Variants in AXDND1 observed in about 807,000 individuals in gnomAD.
AXDND1 encodes axonemal dynein light chain domain containing 1.
AXDND1 carries 110 observed loss-of-function variants against 137.5 expected under a neutral mutation model. That is an observed-to-expected ratio of 0.80 (90% CI 0.69 to 0.94). AXDND1 has a LOEUF of 0.94. Ranked by LOEUF, AXDND1 falls within the 40% of genes least tolerant of loss-of-function variation. The pLI is 0.00. For missense variants in AXDND1, 1,191 were observed against 1,169.8 expected, an observed-to-expected ratio of 1.02 and a Z score of -0.26; for synonymous variants, 414 against 399.7, an observed-to-expected ratio of 1.04 and a Z score of -0.43.
chr1:179,448,103 C>A, intron 16 of AXDND1: 1 of 885,226 alleles, frequency 1.1e-6, no homozygotes, highest in Non-Finnish European at 1.8e-6. Context: ...TCAAATTCCT[C>A]ATTAATTATT....
intron 4 of AXDND1, among the ~76,000 whole-genome samples, chr1:179,373,328 A>G (rs1054053794): frequency 6.6e-6 from 1 of 152,168 alleles, no homozygotes; most frequent in Non-Finnish European, 1.5e-5. Context: ...AATAAAAGAG[A>G]ACACAAACAA....
At chr1:179,382,316 A>G (rs1648499982) in intron 6 of AXDND1, among the ~76,000 whole-genome samples, 1 of 151,970 alleles carries the variant, frequency 6.6e-6, no homozygotes, top group Non-Finnish European at 1.5e-5. Context: ...CCTGACCTCA[A>G]GTGATCTGCC....
chr1:179,454,554 T>G (rs1661017183), intron 16 of AXDND1: 1 of 152,164 alleles, frequency 6.6e-6, no homozygotes, highest in South Asian at 2.1e-4. Flanking sequence ...AAATAAGAGA[T>G]TTAAAAAATG....
At chr1:179,552,803 A>G (rs997778975) in intron 25 of AXDND1, 14 of 751,386 alleles carry the variant, frequency 1.9e-5, no homozygotes, top group Non-Finnish European at 3.3e-5. Context: ...TGGAGTGACC[A>G]GAGTGTGCCA....
intron 15 of AXDND1, among the ~76,000 whole-genome samples, chr1:179,440,257 C>T (rs1296198233): frequency 6.6e-6 from 1 of 152,166 alleles, no homozygotes; most frequent in Non-Finnish European, 1.5e-5. Context: ...GAAAAGCATA[C>T]TAGTATAAGC....
chr1:179,519,570 C>A (rs934385127), intron 21 of AXDND1, among the ~76,000 whole-genome samples: 1 of 152,072 alleles, frequency 6.6e-6, no homozygotes, highest in African/African-American at 2.4e-5. Context: ...TTGTATATGG[C>A]ATAAGGAAGG....
At chr1:179,483,079 AT>A (rs771198453) in intron 17 of AXDND1, 48 bp from the exon 18 acceptor site, 67 of 1,269,338 alleles carry the variant, frequency 5.3e-5, no homozygotes, top group Middle Eastern at 4.0e-4. Context: ...AGTTACATTT[AT>A]CCTTTAAATC....
intron 11 of AXDND1, among the ~76,000 whole-genome samples, chr1:179,400,160 G>A (rs544045719): frequency 1.1e-4 from 16 of 152,180 alleles, no homozygotes; most frequent in African/African-American, 3.4e-4. Context: ...TTGCAAAATC[G>A]TAGAACCAAC....
chr1:179,399,668 A>G (rs1651639399), intron 11 of AXDND1, among the ~76,000 whole-genome samples: 1 of 152,258 alleles, frequency 6.6e-6, no homozygotes. Flanking sequence ...AATCTTCACA[A>G]TCTATACATC....
intron 4 of AXDND1, among the ~76,000 whole-genome samples, chr1:179,373,916 G>A (rs1028142013): frequency 1.3e-5 from 2 of 152,056 alleles, no homozygotes; most frequent in African/African-American, 4.8e-5. Flanking sequence ...CATAGGCATG[G>A]GCAAGGACTT....
intron 16 of AXDND1, chr1:179,449,076 G>A (rs749498466): frequency 6.8e-6 from 3 of 441,480 alleles, no homozygotes; most frequent in South Asian, 3.2e-5. Flanking sequence ...TGTAGAGACA[G>A]GATCTCACCG....
chr1:179,554,085 G>A (rs1292887201), intron 25 of AXDND1, among the ~76,000 whole-genome samples: 2 of 152,012 alleles, frequency 1.3e-5, no homozygotes, highest in African/African-American at 2.4e-5. Context: ...GCTAATTTTT[G>A]CATTTTTAGT....
At chr1:179,535,046 A>G (rs778495736) in intron 25 of AXDND1, 84 bp downstream of exon 25, 1 of 1,577,002 alleles carries the variant, frequency 6.3e-7, no homozygotes, top group Non-Finnish European at 8.7e-7. Context: ...GTAGAAGAAC[A>G]TTAATATATT....
intron 25 of AXDND1, 190 bp downstream of exon 25, chr1:179,535,152 A>C: frequency 2.7e-6 from 2 of 749,364 alleles, no homozygotes; most frequent in East Asian, 3.1e-5. Context: ...GGAAAACCAA[A>C]TGAATAACAA....
chr1:179,434,646 TC>T (rs1223960035), intron 15 of AXDND1, among the ~76,000 whole-genome samples: 2 of 152,146 alleles, frequency 1.3e-5, no homozygotes, highest in African/African-American at 4.8e-5. Context: ...TTCACAAAAT[TC>T]AACATCCCTT....
intron 20 of AXDND1, among the ~76,000 whole-genome samples, chr1:179,503,209 G>T (rs1050493622): frequency 4.6e-5 from 7 of 151,988 alleles, no homozygotes; most frequent in African/African-American, 1.7e-4. Flanking sequence ...GGTATATGAG[G>T]ACTGGCATGT....
At chr1:179,429,178 G>A (rs371355031) in intron 12 of AXDND1, among the ~76,000 whole-genome samples, 7 of 149,734 alleles carry the variant, frequency 4.7e-5, no homozygotes, top group African/African-American at 2.5e-5. Flanking sequence ...CACTGTCTCA[G>A]AAAAAAAAAT....
intron 23 of AXDND1, 131 bp from the exon 24 acceptor site, chr1:179,533,662 TAA>T: frequency 1.9e-6 from 1 of 539,668 alleles, no homozygotes. Flanking sequence ...AGGGTGTGCT[TAA>T]CCATCTATTA....
intron 20 of AXDND1, among the ~76,000 whole-genome samples, chr1:179,495,263 C>G (rs944670708): frequency 2.6e-5 from 4 of 151,910 alleles, no homozygotes; most frequent in African/African-American, 4.8e-5. Flanking sequence ...GATATTATAT[C>G]TATTGATCAG....
Sources: gnomAD v4.1 joint callset for allele counts (sites outside exome capture counted in the v4.1 genomes callset) on GRCh38, gnomAD v4.1.1 for gene constraint, MANE v1.5 for transcripts, NCBI Gene and HGNC (gene_info 2026-07-23, HGNC 2026-07-21) for gene names.